PWWP3A: variants seen among roughly 807,000 people sequenced by gnomAD.
PWWP3A encodes the protein PWWP domain containing 3A, DNA repair factor, also known as PWWP domain-containing DNA repair factor 3A.
PWWP3A carries 53 observed loss-of-function variants against 79.0 expected under a neutral mutation model. That is an observed-to-expected ratio of 0.67 (90% CI 0.54 to 0.84). PWWP3A has a LOEUF of 0.84. Among genes scored for constraint, PWWP3A ranks in the 40% least tolerant of loss-of-function variants. The pLI is 0.00. For synonymous variants in PWWP3A, 443 were observed against 394.4 expected, an observed-to-expected ratio of 1.12 and a Z score of -1.46; for missense variants, 973 against 948.0, an observed-to-expected ratio of 1.03 and a Z score of -0.35.
At chr19:1,375,216 C>T (rs1172262648) in intron 13 of PWWP3A, among the ~76,000 whole-genome samples, 2 of 123,336 alleles carry the variant, frequency 1.6e-5, no homozygotes, top group Admixed American at 8.5e-5. Flanking sequence ...AGCGAGACTC[C>T]GTTTCAAAAA....
chr19:1,364,352 C>T (rs1401049083), intron 6 of PWWP3A, among the ~76,000 whole-genome samples, 157 bp from the exon 7 acceptor site: 3 of 152,176 alleles, frequency 2.0e-5, no homozygotes, highest in Admixed American at 2.0e-4. Context: ...GTGAATCTGC[C>T]TTTCAGATTC....
intron 13 of PWWP3A, among the ~76,000 whole-genome samples, chr19:1,375,092 G>A (rs1600131866): frequency 1.3e-5 from 2 of 150,458 alleles, no homozygotes; most frequent in South Asian, 4.2e-4. Context: ...GGTGGCACGC[G>A]CCTATAGTCA....
intron 11 of PWWP3A, among the ~76,000 whole-genome samples, chr19:1,370,107 G>T (rs757113223): frequency 1.3e-5 from 2 of 152,186 alleles, no homozygotes; most frequent in Non-Finnish European, 2.9e-5. Context: ...TGGCTTGCGT[G>T]CCTGCAGCCC....
At chr19:1,357,373 A>G (rs1200744486) in intron 3 of PWWP3A, 2 of 212,928 alleles carry the variant, frequency 9.4e-6, no homozygotes, top group Non-Finnish European at 1.8e-5. Context: ...GGTAGACCCT[A>G]TTTGTGGTTA....
intron 4 of PWWP3A, chr19:1,358,933 C>T (rs2081948097): frequency 2.9e-6 from 1 of 349,450 alleles, no homozygotes; most frequent in Non-Finnish European, 5.7e-6. Context: ...GGTGGCCTGG[C>T]ACTGGGGTTG....
intron 5 of PWWP3A, 144 bp from the exon 6 acceptor site, chr19:1,362,106 G>A: frequency 1.9e-6 from 1 of 538,624 alleles, no homozygotes; most frequent in East Asian, 3.2e-5. Context: ...AGCGCACTCT[G>A]TTTGAATTTG....
chr19:1,375,517 A>G (rs1320629877), intron 13 of PWWP3A, among the ~76,000 whole-genome samples: 1 of 115,492 alleles, frequency 8.7e-6, no homozygotes, highest in Non-Finnish European at 1.7e-5. Flanking sequence ...ATAATATATA[A>G]AATCATATAA....
In PWWP3A at chr19:1,366,292, G is replaced by T; in HGVS notation, c.1285-13G>T. On this transcript the variant is annotated splice_polypyrimidine_tract_variant and intron_variant, in intron 7 of 13. Coordinates refer to ENST00000591337, the MANE Select transcript of PWWP3A (RefSeq NM_001369789.1). ...TTTGTTTTGACGTTTTATTTTCTTG[G>T]ATTTGTGAACAGGTCAAAAGCGTCA... The T allele has an allele frequency of 1.2e-6, 2 of 1,613,298 alleles. No individual in the cohort carries two copies. The highest frequency in any genetic ancestry group is 1.1e-5 in the South Asian group (1 of 91,058).
intron 13 of PWWP3A, among the ~76,000 whole-genome samples, chr19:1,375,495 TA>T (rs1301672832): frequency 3.8e-5 from 5 of 130,694 alleles, no homozygotes; most frequent in East Asian, 2.0e-4. Context: ...ATAAAATATA[TA>T]AATTTTATAT....
intron 12 of PWWP3A, chr19:1,371,385 C>T (rs555492408): frequency 5.3e-5 from 37 of 703,094 alleles, no homozygotes; most frequent in South Asian, 4.9e-4. Context: ...TTCCCAGCCT[C>T]GGTGGGTCAG....
In PWWP3A at chr19:1,373,156, T is replaced by C; in HGVS notation, c.2071T>C (p.Tyr691His). The C allele has an allele frequency of 1.2e-6, 2 of 1,613,854 alleles. No individual in the cohort carries two copies. Among genetic ancestry groups the C allele is most frequent in the Non-Finnish European group, 1.7e-6 (2 of 1,179,762 alleles). ...EKYIKGPSLS[Y>H]REKEIFDNQL... ...GTACATCAAGGGGCCTTCGCTGAGCTACCGGTAGGCCGCTCCCGGCGCTAT... is the reference window on the plus strand; with the variant it reads ...GTACATCAAGGGGCCTTCGCTGAGCCACCGGTAGGCCGCTCCCGGCGCTAT... Residue 691 changes from tyrosine (Y) to histidine (H), a missense_variant, in exon 13 of 14, where the codon TAC (tyrosine) becomes CAC (histidine). Coordinates refer to ENST00000591337, the MANE Select transcript of PWWP3A (RefSeq NM_001369789.1).
In PWWP3A at chr19:1,369,574, C is replaced by T. The variant is rs760121410; in HGVS notation, c.1499-22C>T. The stretch of plus-strand genomic sequence containing the variant: ...ACTCCTCTTAGGTCTACACAGTGCT[C>T]TCTCCCCTCCACCCCCTGCAGGCTG... On this transcript the variant is annotated intron_variant, in intron 10 of 13. Coordinates refer to ENST00000591337, the MANE Select transcript of PWWP3A (RefSeq NM_001369789.1). This position sits in a 1 kb window ranked among gnomAD's most constrained non-coding sequence, Gnocchi z 4.0. The T allele has an allele frequency of 1.2e-6, 2 of 1,613,962 alleles. No individual in the cohort carries two copies. The highest frequency in any genetic ancestry group is 1.3e-5 in the African/African-American group (1 of 74,922).
chr19:1,357,214 G>A, intron 3 of PWWP3A, 120 bp downstream of exon 3: 2 of 686,414 alleles, frequency 2.9e-6, no homozygotes, highest in Non-Finnish European at 5.0e-6. Flanking sequence ...TTCACCATTT[G>A]TGTAATTCAT....
chr19:1,376,775 G>A lies in PWWP3A; in HGVS notation c.*199G>A. The A allele has an allele frequency of 2.0e-6, 1 of 490,972 alleles. No homozygotes were observed. The highest frequency in any genetic ancestry group is 3.6e-6 in the Non-Finnish European group (1 of 277,738). 30.4% of individuals were successfully genotyped at this position (490,972 alleles called of 1,614,324 possible). A position where few individuals can be genotyped will look rare whatever the true frequency, so the allele number is the denominator to read the frequency against. ...ACTGAAAGCCAGTTCTCTTTTCCTG[G>A]CAGTTTTTTTCATTTTATTTTTGGC... is the stretch of plus-strand genomic sequence containing the variant. On this transcript the variant is annotated 3_prime_UTR_variant, in exon 14 of 14. Coordinates refer to ENST00000591337, the MANE Select transcript of PWWP3A (RefSeq NM_001369789.1).
chr19:1,373,244 C>G, intron 13 of PWWP3A, 84 bp downstream of exon 13: 1 of 1,199,314 alleles, frequency 8.3e-7, no homozygotes, highest in Admixed American at 2.0e-5. Context: ...AGTTTGACTC[C>G]AGGCTGCCGC....
At position 1,376,440 on chromosome 19, in the gene PWWP3A, G is replaced by A. The variant is rs368121766; in HGVS notation, c.2076-79G>A. The A allele has an allele frequency of 9.7e-5, 142 of 1,463,418 alleles. No homozygotes were observed. In the South Asian group the frequency reaches 1.0e-3, roughly 10 times the overall value. The allele number at this position is 1,463,418 out of a possible 1,614,324, so 90.7% of individuals were successfully genotyped here. A position where few individuals can be genotyped will look rare whatever the true frequency, so the allele number is the denominator to read the frequency against. On this transcript the variant is annotated intron_variant, in intron 13 of 13. Coordinates refer to ENST00000591337, the MANE Select transcript of PWWP3A (RefSeq NM_001369789.1). ...AAGTGCTGGGATTACAGGCGTGAGC[G>A]ACCACACCCAGTCCTCTCTCTCATA...
rs758055221 is a variant in PWWP3A at position 1,369,644 on chromosome 19, T to C, written c.1547T>C (p.Ile516Thr). 9 of 1,614,104 alleles carry C rather than the reference T, an allele frequency of 5.6e-6. No individual in the cohort carries two copies. The African/African-American group carries it at 6.7e-5, about 12-fold the overall frequency. ...TTCCTGGAATATTACGCGGCTGATA[T>C]AAGTAAGTCTACAGGCACATCTTGG... ...GSFLEYYAADISYPVRKSIQQ... is the reference protein window; with the variant it reads ...GSFLEYYAADTSYPVRKSIQQ... Residue 516 changes from isoleucine to threonine, a missense_variant and splice_region_variant, in exon 11 of 14, where the codon ATA becomes ACA. By Grantham distance (89) the Ile-to-Thr change is moderately conservative. Coordinates refer to ENST00000591337, the MANE Select transcript of PWWP3A (RefSeq NM_001369789.1). The surrounding 1 kb of genome is among the most constrained non-coding windows in gnomAD (Gnocchi z 4.0).
intron 7 of PWWP3A, among the ~76,000 whole-genome samples, chr19:1,365,171 T>C: frequency 6.6e-6 from 1 of 152,194 alleles, no homozygotes; most frequent in Non-Finnish European, 1.5e-5. Context: ...ATTTTAAATA[T>C]TGTGCATTTC....
At position 1,369,401 on chromosome 19, in the gene PWWP3A, C is replaced by A; in HGVS notation, c.1498+61C>A. The A allele has an allele frequency of 6.3e-7, 1 of 1,580,560 alleles. No individual in the cohort carries two copies. Among genetic ancestry groups the A allele is most frequent in the South Asian group, 1.1e-5 (1 of 90,238 alleles). ...GCAGGCGTCCAGCCTCTGAAGACCC[C>A]TTGGACGGGCTGGGCCGGAGCTGCC... On this transcript the variant is annotated intron_variant, in intron 10 of 13. Coordinates refer to ENST00000591337, the MANE Select transcript of PWWP3A (RefSeq NM_001369789.1). The surrounding 1 kb of genome is among the most constrained non-coding windows in gnomAD (Gnocchi z 4.0).
Sources: gnomAD v4.1 joint callset for allele counts (sites outside exome capture counted in the v4.1 genomes callset) on GRCh38, gnomAD v4.1.1 for gene constraint, Gnocchi (gnomAD v3.1) non-coding constraint, MANE v1.5 for transcripts, NCBI Gene and HGNC (gene_info 2026-07-23, HGNC 2026-07-21) for gene names.